Variants in SLC4A8 observed in about 807,000 individuals in gnomAD.
SLC4A8 encodes solute carrier family 4 member 8, also known as electroneutral sodium bicarbonate exchanger 1.
In SLC4A8, 40 loss-of-function variants were observed where a neutral mutation model predicts 125.0. The ratio of observed to expected loss-of-function variants is 0.32; its 90% CI spans 0.25 to 0.42. The LOEUF (loss-of-function observed/expected upper bound fraction) is 0.42. SLC4A8 is among the 10% of genes least tolerant of loss of function. The pLI, the probability that SLC4A8 is intolerant of heterozygous loss-of-function variation, is 1.00. For synonymous variants in SLC4A8, 456 were observed against 476.0 expected (o/e 0.96, Z 0.55); for missense variants, 863 against 1,355.1 (o/e 0.64, Z 5.70).
intron 1 of SLC4A8, among the ~76,000 whole-genome samples, chr12:51,430,954 T>C (rs1057250086): frequency 5.9e-5 from 9 of 152,326 alleles, no homozygotes; most frequent in African/African-American, 2.2e-4. Context: ...AAACACAAAT[T>C]TATCCTACAG....
chr12:51,427,019 A>C (rs1949012453), intron 1 of SLC4A8, among the ~76,000 whole-genome samples: 1 of 150,926 alleles, frequency 6.6e-6, no homozygotes, highest in African/African-American at 2.4e-5. Context: ...ACTCACTACA[A>C]GCTCCGTCTC....
chr12:51,442,012 C>T (rs1949613715), intron 2 of SLC4A8, among the ~76,000 whole-genome samples: 1 of 152,070 alleles, frequency 6.6e-6, no homozygotes, highest in African/African-American at 2.4e-5. Context: ...TGTTGAATGC[C>T]CCTTGTGTGT....
rs148949147 is a variant in SLC4A8, at chr12:51,469,713, G to C, written c.1449G>C (p.Leu483=). ...GCTTACAGTGTTTGGCTTCCTTTCT[G>C]TTCCTGTACTGTGCCTGCATGTCAC... is the stretch of plus-strand genomic sequence containing the variant. ...ALSLQCLASF[L]FLYCACMSPV... is the part of the protein sequence containing the mutation. Residue 483 remains leucine (L), a synonymous_variant, in exon 12 of 25, where the codon CTG becomes CTC. Transcript: ENST00000453097. 1.9e-6 allele frequency: 3 copies of C among 1,614,066 alleles called. No individual in the cohort carries two copies.
intron 14 of SLC4A8, 115 bp from the exon 15 acceptor site, chr12:51,474,227 G>A: frequency 1.6e-6 from 1 of 608,342 alleles, no homozygotes; most frequent in Non-Finnish European, 2.9e-6. Flanking sequence ...CAGGTCTGAA[G>A]TATGCAAAGA....
rs963777742 is a variant in SLC4A8 at position 51,474,366 on chromosome 12, T to G, written c.1929T>G (p.Asn643Lys). 1 of 1,596,740 alleles carries G rather than the reference T, an allele frequency of 6.3e-7. No homozygotes were observed. The highest frequency in any genetic ancestry group is 1.7e-5 in the Admixed American group (1 of 59,788). ...GCTGCAGGTGTACTCTGCCAGAGAA[T>G]CCAAACAATCACACCCTCCAGTACT... ...LYYCRCTLPE[N>K]PNNHTLQYWK... The change falls in exon 15 of 25, where the codon AAT becomes AAG. Residue 643 changes from asparagine to lysine, a missense_variant. This residue lies in a region of SLC4A8 where 76 missense variants were observed against 80.2 expected (regional missense o/e 0.95). Transcript: ENST00000453097.
intron 17 of SLC4A8, among the ~76,000 whole-genome samples, chr12:51,487,787 T>C (rs1247240877): frequency 6.6e-6 from 1 of 152,360 alleles, no homozygotes; most frequent in East Asian, 1.9e-4. Flanking sequence ...GCTGGACCCC[T>C]GTTTCACTAT....
chr12:51,426,831 T>A (rs969416842), intron 1 of SLC4A8, among the ~76,000 whole-genome samples: 1 of 151,122 alleles, frequency 6.6e-6, no homozygotes, highest in Non-Finnish European at 1.5e-5. Flanking sequence ...ACTGAAGGGG[T>A]TTAAGTAGAG....
At chr12:51,470,612 CA>C in intron 13 of SLC4A8, 87 bp downstream of exon 13, 1 of 1,210,292 alleles carries the variant, frequency 8.3e-7, no homozygotes. Flanking sequence ...TCAGTACAGA[CA>C]GGCAATATCA....
intron 1 of SLC4A8, among the ~76,000 whole-genome samples, chr12:51,414,492 T>G (rs1948649400): frequency 6.6e-6 from 1 of 152,192 alleles, no homozygotes; most frequent in Non-Finnish European, 1.5e-5. Flanking sequence ...GGCTTACACA[T>G]GTAATCCTGG....
chr12:51,485,047 A>G (rs2135831), intron 16 of SLC4A8, among the ~76,000 whole-genome samples: 74,724 of 151,852 alleles, frequency 0.49, 18,607 homozygotes, highest in Non-Finnish European at 0.53. Flanking sequence ...ACAGCAACGC[A>G]GTCTGTGTGT....
intron 16 of SLC4A8, among the ~76,000 whole-genome samples, chr12:51,485,222 C>T (rs181964890): frequency 4.2e-3 from 638 of 152,132 alleles, no homozygotes; most frequent in Non-Finnish European, 6.3e-3. Flanking sequence ...AATAATTACT[C>T]CAGTGACTGC....
chr12:51,436,866 A>G (rs993189339), intron 1 of SLC4A8, among the ~76,000 whole-genome samples: 7 of 152,130 alleles, frequency 4.6e-5, no homozygotes, highest in African/African-American at 1.7e-4. Context: ...ACCTCAAGTG[A>G]TCCACCTGCC....
At chr12:51,414,893 T>C (rs887525318) in intron 1 of SLC4A8, among the ~76,000 whole-genome samples, 2 of 152,244 alleles carry the variant, frequency 1.3e-5, no homozygotes, top group Non-Finnish European at 2.9e-5. Flanking sequence ...TTTTACCAAA[T>C]GCCGTTTTAG....
chr12:51,485,011 G>T (rs560329290), intron 16 of SLC4A8, among the ~76,000 whole-genome samples: 1 of 152,070 alleles, frequency 6.6e-6, no homozygotes, highest in Non-Finnish European at 1.5e-5. Flanking sequence ...CCCCGAGGTG[G>T]GAGTGAGCTT....
chr12:51,458,017 A>G (rs1950209179), intron 6 of SLC4A8, among the ~76,000 whole-genome samples: 1 of 152,184 alleles, frequency 6.6e-6, no homozygotes, highest in South Asian at 2.1e-4. Context: ...TTACCTATAA[A>G]GTAAGAGTAA....
chr12:51,447,903 TG>T (rs1398777027), intron 2 of SLC4A8, among the ~76,000 whole-genome samples: 1 of 151,774 alleles, frequency 6.6e-6, no homozygotes, highest in African/African-American at 2.4e-5. Flanking sequence ...TTTTTTTTAG[TG>T]GAGACGGGGT....
chr12:51,417,336 T>C (rs948732355), intron 1 of SLC4A8, among the ~76,000 whole-genome samples: 20 of 150,818 alleles, frequency 1.3e-4, no homozygotes, highest in Non-Finnish European at 2.1e-4. Context: ...ACACCACGGC[T>C]GGCTAGTTTT....
At chr12:51,411,818 C>A (rs941034665) in intron 1 of SLC4A8, among the ~76,000 whole-genome samples, 1 of 152,226 alleles carries the variant, frequency 6.6e-6, no homozygotes, top group Admixed American at 6.5e-5. Flanking sequence ...GGCATGGTGG[C>A]TCATTCCTGT....
chr12:51,398,066 G>A (rs1948299679), intron 1 of SLC4A8, among the ~76,000 whole-genome samples: 2 of 152,096 alleles, frequency 1.3e-5, no homozygotes, highest in South Asian at 2.1e-4. Flanking sequence ...GAGCCACTGC[G>A]TTCTGCTCGA....
Sources: gnomAD v4.1 joint callset for allele counts (sites outside exome capture counted in the v4.1 genomes callset) on GRCh38, gnomAD v4.1.1 for gene constraint, gnomAD v4.1.1 regional missense constraint, MANE v1.5 for transcripts, NCBI Gene and HGNC (gene_info 2026-07-23, HGNC 2026-07-21) for gene names.